Variants in CDH12 observed in about 807,000 individuals in gnomAD.
The protein encoded by CDH12 is cadherin 12, also known as cadherin-12.
Under a neutral mutation model 74.1 loss-of-function variants are expected in CDH12, and 41 were observed. The ratio of observed to expected loss-of-function variants is 0.55; its 90% CI spans 0.43 to 0.72. CDH12 has a LOEUF of 0.72. CDH12 is among the 30% of genes least tolerant of loss of function. The pLI is 0.00. For synonymous variants in CDH12, 399 were observed against 355.0 expected (o/e 1.12, Z -1.39); for missense variants, 945 against 977.2 (o/e 0.97, Z 0.44).
At chr5:21,991,212 C>T (rs1186515579) in intron 5 of CDH12, among the ~76,000 whole-genome samples, 2 of 151,698 alleles carry the variant, frequency 1.3e-5, no homozygotes, top group Non-Finnish European at 2.9e-5. Flanking sequence ...AAATATTTCT[C>T]TATGGTTGTG....
intron 1 of CDH12, among the ~76,000 whole-genome samples, chr5:22,755,398 G>A (rs1373824524): frequency 1.3e-5 from 2 of 152,106 alleles, no homozygotes; most frequent in East Asian, 3.9e-4. Flanking sequence ...AGCTTTATGA[G>A]GCTAATACAT....
intron 2 of CDH12, among the ~76,000 whole-genome samples, chr5:22,470,920 A>C (rs1461655710): frequency 2.0e-5 from 3 of 151,210 alleles, no homozygotes; most frequent in Admixed American, 1.3e-4. Flanking sequence ...TGAAAAACTA[A>C]ATTTGTGTGG....
intron 1 of CDH12, among the ~76,000 whole-genome samples, chr5:22,756,197 G>A (rs1745900609): frequency 6.6e-6 from 1 of 151,538 alleles, no homozygotes; most frequent in African/African-American, 2.4e-5. Context: ...CACATATTAG[G>A]TGGTCTATCT....
intron 1 of CDH12, among the ~76,000 whole-genome samples, chr5:22,634,950 A>G (rs1211494740): frequency 6.6e-6 from 1 of 151,224 alleles, no homozygotes; most frequent in Non-Finnish European, 1.5e-5. Flanking sequence ...CATATTTAAC[A>G]CAATCTCTAC....
intron 6 of CDH12, among the ~76,000 whole-genome samples, chr5:21,967,519 G>A (rs540388984): frequency 5.3e-5 from 8 of 152,060 alleles, no homozygotes; most frequent in Admixed American, 3.9e-4. Flanking sequence ...AAGCAACTCC[G>A]GCTAAAATAT....
intron 1 of CDH12, among the ~76,000 whole-genome samples, chr5:22,561,920 C>A (rs907278368): frequency 1.3e-5 from 2 of 151,960 alleles, no homozygotes; most frequent in African/African-American, 4.8e-5. Context: ...TTGGATGAAA[C>A]ATGCATGGAT....
chr5:22,435,357 G>C (rs1416608277), intron 2 of CDH12, among the ~76,000 whole-genome samples: 2 of 151,198 alleles, frequency 1.3e-5, no homozygotes, highest in African/African-American at 2.4e-5. Context: ...GTGAGACCTT[G>C]TGATCATGTA....
chr5:22,451,726 A>T (rs569536161), intron 2 of CDH12, among the ~76,000 whole-genome samples: 1 of 152,122 alleles, frequency 6.6e-6, no homozygotes, highest in East Asian at 1.9e-4. Flanking sequence ...TAATTAGGCA[A>T]GAGAATGAAA....
chr5:22,643,277 A>G (rs1002750281), intron 1 of CDH12, among the ~76,000 whole-genome samples: 1 of 152,166 alleles, frequency 6.6e-6, no homozygotes, highest in African/African-American at 2.4e-5. Context: ...CTGGTTTCAC[A>G]TTAATGTCGA....
At chr5:21,958,676 ATGC>A (rs1202276000) in intron 6 of CDH12, among the ~76,000 whole-genome samples, 1 of 152,178 alleles carries the variant, frequency 6.6e-6, no homozygotes. Context: ...TGCCAGTACC[ATGC>A]TGTTTTGGTT....
intron 6 of CDH12, among the ~76,000 whole-genome samples, chr5:21,865,173 C>T (rs1029851670): frequency 1.8e-4 from 27 of 152,090 alleles, no homozygotes; most frequent in African/African-American, 6.5e-4. Context: ...ATCTAAGCAC[C>T]ACAGCATTTA....
intron 1 of CDH12, among the ~76,000 whole-genome samples, chr5:22,561,053 T>C (rs1339585441): frequency 2.0e-5 from 3 of 152,148 alleles, no homozygotes; most frequent in Non-Finnish European, 4.4e-5. Flanking sequence ...TAACATGAAA[T>C]TGATTAAAGC....
At chr5:22,072,864 A>T (rs1742051864) in intron 5 of CDH12, among the ~76,000 whole-genome samples, 1 of 152,008 alleles carries the variant, frequency 6.6e-6, no homozygotes, top group Admixed American at 6.6e-5. Context: ...AGGATAATAA[A>T]CCATGATATT....
At chr5:22,228,944 G>T (rs1051777174) in intron 3 of CDH12, among the ~76,000 whole-genome samples, 9 of 151,920 alleles carry the variant, frequency 5.9e-5, no homozygotes, top group African/African-American at 2.2e-4. Flanking sequence ...TAATAAACCT[G>T]CTCTTACATC....
chr5:22,199,364 G>C (rs369881288), intron 4 of CDH12, among the ~76,000 whole-genome samples: 1 of 152,184 alleles, frequency 6.6e-6, no homozygotes, highest in East Asian at 1.9e-4. Context: ...CAGGAGAGGC[G>C]TGAGGGTGGG....
At chr5:22,700,592 A>C (rs963402335) in intron 1 of CDH12, among the ~76,000 whole-genome samples, 9 of 152,240 alleles carry the variant, frequency 5.9e-5, no homozygotes, top group Non-Finnish European at 4.4e-5. Flanking sequence ...TGATAAGAAA[A>C]TGTTTTCTAT....
intron 1 of CDH12, among the ~76,000 whole-genome samples, chr5:22,602,589 G>A (rs1047921392): frequency 6.6e-6 from 1 of 152,068 alleles, no homozygotes; most frequent in Non-Finnish European, 1.5e-5. Context: ...GAAAAGACAT[G>A]AGTGAGAGAA....
chr5:22,485,366 G>C (rs1477968370), intron 2 of CDH12, among the ~76,000 whole-genome samples: 6 of 152,012 alleles, frequency 3.9e-5, no homozygotes, highest in African/African-American at 1.2e-4. Context: ...CATATACATT[G>C]TTTTAAAAGA....
intron 3 of CDH12, among the ~76,000 whole-genome samples, chr5:22,377,405 C>A (rs1217447777): frequency 6.6e-6 from 1 of 152,124 alleles, no homozygotes. Flanking sequence ...TGAACAGTGC[C>A]AGCTTTACTC....
Sources: gnomAD v4.1 joint callset for allele counts (sites outside exome capture counted in the v4.1 genomes callset) on GRCh38, gnomAD v4.1.1 for gene constraint, MANE v1.5 for transcripts, NCBI Gene and HGNC (gene_info 2026-07-23, HGNC 2026-07-21) for gene names.